FAM227B: variants seen among roughly 807,000 people sequenced by gnomAD.
FAM227B encodes the protein protein FAM227B.
A neutral mutation model predicts 73.8 loss-of-function variants in FAM227B; 88 were observed. That is an observed-to-expected ratio of 1.19 (90% CI 1.00 to 1.42). FAM227B has a LOEUF of 1.42. FAM227B is among the 40% of genes most tolerant of loss of function. The pLI, the probability that FAM227B is intolerant of heterozygous loss-of-function variation, is 0.00. For synonymous variants in FAM227B, 210 were observed against 190.5 expected, an observed-to-expected ratio of 1.10 and a Z score of -0.84; for missense variants, 632 against 590.9, an observed-to-expected ratio of 1.07 and a Z score of -0.72.
chr15:49,619,996 A>C (rs1020140592), intron 1 of FAM227B: 1 of 152,148 alleles, frequency 6.6e-6, no homozygotes, highest in Non-Finnish European at 1.5e-5. Context: ...TTTCCAATCT[A>C]TATTGTTTCT....
intron 10 of FAM227B, among the ~76,000 whole-genome samples, chr15:49,526,693 A>G (rs543342769): frequency 6.6e-6 from 1 of 152,204 alleles, no homozygotes; most frequent in East Asian, 1.9e-4. Flanking sequence ...AAATAAGCAC[A>G]GTCAGAAATG....
chr15:49,472,934 G>A (rs1442333773), intron 11 of FAM227B, among the ~76,000 whole-genome samples: 1 of 152,102 alleles, frequency 6.6e-6, no homozygotes, highest in African/African-American at 2.4e-5. Context: ...ATATACTCAT[G>A]TATCAGTTAT....
chr15:49,548,782 T>C (rs979637168), intron 9 of FAM227B, among the ~76,000 whole-genome samples: 1 of 152,204 alleles, frequency 6.6e-6, no homozygotes, highest in African/African-American at 2.4e-5. Flanking sequence ...CAATTTCCTC[T>C]AGATTTTCTA....
At chr15:49,381,075 G>A (rs1252138833) in intron 11 of FAM227B, among the ~76,000 whole-genome samples, 2 of 152,046 alleles carry the variant, frequency 1.3e-5, no homozygotes, top group East Asian at 1.9e-4. Flanking sequence ...GGGGAGGGGA[G>A]GTGTCATGCA....
intron 13 of FAM227B, chr15:49,353,468 G>T (rs2042550239): frequency 6.6e-6 from 1 of 152,024 alleles, no homozygotes; most frequent in Admixed American, 6.5e-5. Flanking sequence ...AGGATTTTTA[G>T]GCCTGTATGT....
intron 11 of FAM227B, among the ~76,000 whole-genome samples, chr15:49,382,006 CATG>C (rs1463890047): frequency 5.0e-4 from 76 of 152,092 alleles, no homozygotes; most frequent in African/African-American, 1.8e-3. Flanking sequence ...TAAAGATACA[CATG>C]ATATTTCTAA....
chr15:49,376,983 CT>C (rs1567178436), intron 11 of FAM227B, among the ~76,000 whole-genome samples: 1 of 151,882 alleles, frequency 6.6e-6, no homozygotes, highest in Admixed American at 6.6e-5. Flanking sequence ...TTTCTAGCTA[CT>C]TTTTTTTATT....
chr15:49,506,625 A>G (rs2058606154), intron 11 of FAM227B, among the ~76,000 whole-genome samples: 1 of 152,008 alleles, frequency 6.6e-6, no homozygotes, highest in Admixed American at 6.6e-5. Context: ...TTTTAATTAG[A>G]CATCAGTAAT....
intron 3 of FAM227B, among the ~76,000 whole-genome samples, chr15:49,606,852 G>C (rs931961488): frequency 6.6e-6 from 1 of 152,178 alleles, no homozygotes; most frequent in Non-Finnish European, 1.5e-5. Flanking sequence ...AAGAGAAGAA[G>C]GGAAGTGGAA....
intron 9 of FAM227B, among the ~76,000 whole-genome samples, chr15:49,561,356 C>A (rs1011648266): frequency 1.3e-4 from 20 of 152,096 alleles, no homozygotes; most frequent in African/African-American, 4.8e-4. Flanking sequence ...TATTGAAGCA[C>A]CCAGATTAAT....
chr15:49,334,337 A>C (rs1188469986), intron 14 of FAM227B: 12 of 593,790 alleles, frequency 2.0e-5, no homozygotes, highest in Non-Finnish European at 2.3e-5. Context: ...TAATGCAGGC[A>C]TTACTAATTG....
intron 11 of FAM227B, among the ~76,000 whole-genome samples, chr15:49,455,755 C>T (rs1337404203): frequency 6.6e-6 from 1 of 152,098 alleles, no homozygotes; most frequent in Admixed American, 6.6e-5. Flanking sequence ...GAAAACAAAA[C>T]GTGCTCCACT....
intron 13 of FAM227B, among the ~76,000 whole-genome samples, chr15:49,344,464 T>C (rs1279709527): frequency 6.6e-6 from 1 of 152,222 alleles, no homozygotes; most frequent in Non-Finnish European, 1.5e-5. Context: ...AACTTTATTG[T>C]GTTTCTTTAT....
intron 3 of FAM227B, among the ~76,000 whole-genome samples, chr15:49,605,538 C>T (rs938443592): frequency 2.7e-5 from 4 of 150,918 alleles, no homozygotes; most frequent in African/African-American, 7.3e-5. Context: ...GGGTGGGCCT[C>T]GAATCTGTTT....
At chr15:49,551,627 A>AT in intron 9 of FAM227B, among the ~76,000 whole-genome samples, 2 of 152,134 alleles carry the variant, frequency 1.3e-5, no homozygotes, top group South Asian at 4.2e-4. Context: ...TACTTCTGTG[A>AT]TTTTGTTATT....
chr15:49,455,565 C>G (rs1415624701), intron 11 of FAM227B, among the ~76,000 whole-genome samples: 1 of 152,066 alleles, frequency 6.6e-6, no homozygotes, highest in Admixed American at 6.6e-5. Flanking sequence ...TGGGTAGGTC[C>G]ATCGTCAGTT....
chr15:49,402,240 G>A (rs2048215000), intron 11 of FAM227B, among the ~76,000 whole-genome samples: 1 of 152,062 alleles, frequency 6.6e-6, no homozygotes, highest in African/African-American at 2.4e-5. Context: ...ATGTGTATAT[G>A]GCTCTTCTTT....
At chr15:49,604,304 A>G (rs1229305018) in intron 3 of FAM227B, among the ~76,000 whole-genome samples, 1 of 151,480 alleles carries the variant, frequency 6.6e-6, no homozygotes, top group Non-Finnish European at 1.5e-5. Flanking sequence ...CTTGACTTCC[A>G]TTTTTGAAGG....
intron 12 of FAM227B, among the ~76,000 whole-genome samples, chr15:49,369,876 G>A (rs903476748): frequency 5.3e-5 from 8 of 152,256 alleles, no homozygotes; most frequent in African/African-American, 1.7e-4. Flanking sequence ...CCTTCCAGAA[G>A]AAATACTTAT....
Sources: allele counts gnomAD v4.1 joint callset (sites outside exome capture counted in the v4.1 genomes callset), GRCh38; gene constraint gnomAD v4.1.1; transcripts MANE v1.5; gene names NCBI Gene and HGNC (gene_info 2026-07-23, HGNC 2026-07-21).